Variants in AFF4 observed in about 807,000 individuals in gnomAD.
AFF4 encodes ALF transcription elongation factor 4, also known as AF4/FMR2 family member 4.
Under a neutral mutation model 124.8 loss-of-function variants are expected in AFF4, and 13 were observed. The ratio of observed to expected loss-of-function variants is 0.10; its 90% CI spans 0.07 to 0.17. The LOEUF is 0.17. AFF4 is among the 10% of genes least tolerant of loss of function. The pLI is 1.00. For missense variants in AFF4, 1,092 were observed against 1,403.8 expected (o/e 0.78, Z 3.55); for synonymous variants, 477 against 496.1 (o/e 0.96, Z 0.51).
At chr5:132,927,480 G>A in intron 4 of AFF4, 1 of 337,122 alleles carries the variant, frequency 3.0e-6, no homozygotes. Flanking sequence ...TCAAATACAA[G>A]GCACATAATA....
intron 5 of AFF4, among the ~76,000 whole-genome samples, chr5:132,910,176 T>G (rs992051928): frequency 1.9e-4 from 29 of 152,316 alleles, no homozygotes; most frequent in African/African-American, 6.7e-4. Context: ...TTAGTAAGTT[T>G]TATTCTAAAC....
intron 1 of AFF4, among the ~76,000 whole-genome samples, chr5:132,949,622 G>A (rs1425062404): frequency 6.6e-6 from 1 of 151,422 alleles, no homozygotes; most frequent in Non-Finnish European, 1.5e-5. Flanking sequence ...CCATCCTGCG[G>A]GTGGATCACG....
Position 132,921,616 on chromosome 5 carries a change from C to T in AFF4, c.1050+5505G>A, listed in dbSNP as rs1323837601. 8.6e-5 allele frequency among the ~76,000 whole-genome samples: 13 copies of T among 151,948 alleles called. No individual in the cohort carries two copies. The East Asian group carries it at 1.3e-3, about 16-fold the overall frequency. ...CCAAGTACCTGGGATTATAGGCATG[C>T]GCCACCATGCCTGGCTAATTTTGTA... On this transcript the variant is annotated intron_variant, in intron 5 of 20. Coordinates refer to ENST00000265343, the MANE Select transcript of AFF4 (RefSeq NM_014423.4).
chr5:132,947,791 C>A (rs1761736173), intron 1 of AFF4, among the ~76,000 whole-genome samples: 1 of 152,148 alleles, frequency 6.6e-6, no homozygotes, highest in South Asian at 2.1e-4. Context: ...GTCAGGGAAA[C>A]AAAGGTTGTA....
At chr5:132,916,966 G>A (rs1404575804) in intron 5 of AFF4, among the ~76,000 whole-genome samples, 1 of 151,934 alleles carries the variant, frequency 6.6e-6, no homozygotes, top group Non-Finnish European at 1.5e-5. Context: ...TGTTGCCCAG[G>A]CTGGAGTGCA....
intron 5 of AFF4, among the ~76,000 whole-genome samples, chr5:132,912,147 G>A (rs1760804809): frequency 7.0e-6 from 1 of 141,994 alleles, no homozygotes; most frequent in Non-Finnish European, 1.5e-5. Flanking sequence ...GACGTCAGGA[G>A]TTCGAGATTG....
chr5:132,886,509 C>T, intron 17 of AFF4, 106 bp from the exon 18 acceptor site: 1 of 950,770 alleles, frequency 1.1e-6, no homozygotes, highest in Non-Finnish European at 1.6e-6. Context: ...GTGACCATGG[C>T]ATAGGCCACA....
chr5:132,948,924 A>ATG (rs1486770181), intron 1 of AFF4, among the ~76,000 whole-genome samples: 1 of 152,066 alleles, frequency 6.6e-6, no homozygotes, highest in African/African-American at 2.4e-5. Flanking sequence ...TTGATGAATT[A>ATG]TGTGTGTACT....
intron 4 of AFF4, among the ~76,000 whole-genome samples, chr5:132,929,083 T>A (rs1456579692): frequency 6.6e-6 from 1 of 151,520 alleles, no homozygotes; most frequent in Non-Finnish European, 1.5e-5. Context: ...TTAGAGTGAA[T>A]TTTTTTTTAA....
intron 5 of AFF4, among the ~76,000 whole-genome samples, chr5:132,916,653 G>C (rs981756613): frequency 1.3e-5 from 2 of 152,058 alleles, no homozygotes; most frequent in Non-Finnish European, 2.9e-5. Context: ...CTCTTCGTTT[G>C]GAGGCCCTAT....
intron 5 of AFF4, among the ~76,000 whole-genome samples, chr5:132,923,529 G>A (rs898602720): frequency 6.6e-6 from 1 of 152,106 alleles, no homozygotes; most frequent in Non-Finnish European, 1.5e-5. Context: ...GAAGTCAGGA[G>A]TTTGAGACCA....
chr5:132,950,560 A>C (rs1212137546), intron 1 of AFF4, among the ~76,000 whole-genome samples: 1 of 152,108 alleles, frequency 6.6e-6, no homozygotes, highest in Non-Finnish European at 1.5e-5. Context: ...GAGGTAGGAC[A>C]ATCGCTTGAA....
At chr5:132,898,673 G>A (rs984463882) in intron 9 of AFF4, among the ~76,000 whole-genome samples, 59 of 151,704 alleles carry the variant, frequency 3.9e-4, no homozygotes, top group African/African-American at 1.2e-3. Flanking sequence ...TAGTAGAGAC[G>A]GGGTTTCACC....
chr5:132,959,813 G>A (rs1450389442), intron 1 of AFF4, among the ~76,000 whole-genome samples: 1 of 131,566 alleles, frequency 7.6e-6, no homozygotes, highest in Non-Finnish European at 1.5e-5. Flanking sequence ...TGCCCAGGCT[G>A]GAGTGCAGTG....
intron 11 of AFF4, among the ~76,000 whole-genome samples, chr5:132,895,230 T>C (rs541934764): frequency 1.3e-5 from 2 of 152,302 alleles, no homozygotes; most frequent in African/African-American, 4.8e-5. Context: ...AGGTATAGTA[T>C]AGAGAGTAGT....
Position 132,892,175 on chromosome 5 carries a change from T to C in AFF4, c.2626A>G (p.Lys876Glu). The change falls in exon 13 of 21, where the codon AAG (lysine) becomes GAG (glutamate). Residue 876 changes from lysine to glutamate, a missense_variant. This residue lies in a region of AFF4 where 293 missense variants were observed against 280.2 expected (regional missense o/e 1.05). Transcript: ENST00000265343. ...CCCCAACACTTTACCTTAACCTCCT[T>C]GGAGCTACTGGAAGTCTTCCCTTCG... The part of the protein sequence containing the change: ...KTEGKTSSSS[K>E]EVKEKAPSSS... 1 of 1,614,194 alleles carries C rather than the reference T, an allele frequency of 6.2e-7. No individual in the cohort carries two copies. The highest frequency in any genetic ancestry group is 1.3e-5 in the African/African-American group (1 of 75,064).
At chr5:132,957,566 C>G (rs1761991374) in intron 1 of AFF4, among the ~76,000 whole-genome samples, 1 of 151,704 alleles carries the variant, frequency 6.6e-6, no homozygotes, top group African/African-American at 2.4e-5. Flanking sequence ...AACCCTGTCT[C>G]TACTAAAAAT....
intron 5 of AFF4, among the ~76,000 whole-genome samples, chr5:132,925,599 TA>T (rs1178676618): frequency 6.6e-6 from 1 of 151,990 alleles, no homozygotes; most frequent in African/African-American, 2.4e-5. Flanking sequence ...ACTCAATAGG[TA>T]AAAAATGCAA....
At chr5:132,906,416 ATAT>A (rs1760672317) in intron 5 of AFF4, among the ~76,000 whole-genome samples, 1 of 152,242 alleles carries the variant, frequency 6.6e-6, no homozygotes, top group Non-Finnish European at 1.5e-5. Flanking sequence ...ATACACTGGA[ATAT>A]TATTTGGCCA....
Sources: allele counts gnomAD v4.1 joint callset (sites outside exome capture counted in the v4.1 genomes callset), GRCh38; gene constraint gnomAD v4.1.1; regional missense constraint gnomAD v4.1.1; transcripts MANE v1.5; gene names NCBI Gene and HGNC (gene_info 2026-07-23, HGNC 2026-07-21).